The following DENND5B variants were observed in gnomAD, a reference collection of about 807,000 sequenced individuals.
DENND5B encodes the protein DENN domain-containing protein 5B.
A neutral mutation model predicts 140.6 loss-of-function variants in DENND5B; 34 were observed. The observed-to-expected ratio is 0.24, with a 90% CI of 0.18 to 0.32. The LOEUF (loss-of-function observed/expected upper bound fraction) is 0.32. Among genes scored for constraint, DENND5B ranks in the 10% least tolerant of loss-of-function variants. The pLI, the probability that DENND5B is intolerant of heterozygous loss-of-function variation, is 1.00. For missense variants in DENND5B, 1,142 were observed against 1,560.2 expected (o/e 0.73, Z 4.52); for synonymous variants, 551 against 562.1 (o/e 0.98, Z 0.28).
At chr12:31,477,163 G>C (rs911004808) in intron 3 of DENND5B, among the ~76,000 whole-genome samples, 2 of 151,946 alleles carry the variant, frequency 1.3e-5, no homozygotes, top group Admixed American at 1.3e-4. Flanking sequence ...GGGAGGCGGT[G>C]GTTGCAGTGA....
chr12:31,412,551 T>C (rs946379523), intron 13 of DENND5B, among the ~76,000 whole-genome samples: 1 of 152,212 alleles, frequency 6.6e-6, no homozygotes, highest in South Asian at 2.1e-4. Flanking sequence ...AATCTAATGC[T>C]GCTGATCTGA....
In DENND5B at chr12:31,416,922, C is replaced by CT. The variant is rs34652580; in HGVS notation, c.2471-1475dup. On this transcript the variant is annotated intron_variant, in intron 11 of 20. Coordinates refer to ENST00000389082, the MANE Select transcript of DENND5B (RefSeq NM_144973.4). ...TATATGTCTTTTTTTTTTTAATTAG[C>CT]TTTTTTTTTTTTTTTTAAATCAGCT... is the stretch of plus-strand genomic sequence containing the variant. Among the ~76,000 whole-genome samples the CT allele has an allele frequency of 3.6e-3, 468 of 130,302 alleles. 1 individual carries two copies. The highest frequency in any genetic ancestry group is 0.013 in the East Asian group (59 of 4,504). The allele number at this position is 130,302 out of a possible 152,430, so 85.5% of individuals were successfully genotyped here.
chr12:31,570,064 G>A (rs548967689), intron 1 of DENND5B, among the ~76,000 whole-genome samples: 8 of 149,956 alleles, frequency 5.3e-5, no homozygotes, highest in African/African-American at 1.5e-4. Context: ...GCATGGTGGC[G>A]GGTGCCTGTA....
At chr12:31,459,285 A>G (rs1433799854) in intron 4 of DENND5B, among the ~76,000 whole-genome samples, 2 of 152,060 alleles carry the variant, frequency 1.3e-5, no homozygotes, top group Non-Finnish European at 2.9e-5. Context: ...TATGCTTTCA[A>G]TAATTCTTGT....
chr12:31,449,424 T>C (rs944713041), intron 5 of DENND5B, among the ~76,000 whole-genome samples: 5 of 152,048 alleles, frequency 3.3e-5, no homozygotes, highest in African/African-American at 9.7e-5. Context: ...TCAAATAGCC[T>C]TTTTTTAAAA....
chr12:31,569,772 A>C (rs1949753747), intron 1 of DENND5B, among the ~76,000 whole-genome samples: 1 of 151,992 alleles, frequency 6.6e-6, no homozygotes, highest in Non-Finnish European at 1.5e-5. Flanking sequence ...TGATTGTGTC[A>C]CTGCATTCCA....
chr12:31,444,663 A>C (rs1944197730), intron 6 of DENND5B, among the ~76,000 whole-genome samples: 1 of 152,234 alleles, frequency 6.6e-6, no homozygotes, highest in African/African-American at 2.4e-5. Context: ...GCACACAATT[A>C]AGGTATTGGT....
intron 1 of DENND5B, among the ~76,000 whole-genome samples, chr12:31,537,305 AAGTT>A (rs1288843871): frequency 6.6e-6 from 1 of 152,142 alleles, no homozygotes; most frequent in African/African-American, 2.4e-5. Context: ...AAACAACAAA[AAGTT>A]AGAAAGCAGG....
intron 19 of DENND5B, among the ~76,000 whole-genome samples, chr12:31,391,234 C>G (rs979088744): frequency 6.6e-6 from 1 of 152,202 alleles, no homozygotes; most frequent in Non-Finnish European, 1.5e-5. Flanking sequence ...GGAAACACTT[C>G]CGCCTTGGGG....
At chr12:31,520,842 TAACAACAACAAC>T (rs66533164) in intron 1 of DENND5B, among the ~76,000 whole-genome samples, 7 of 151,200 alleles carry the variant, frequency 4.6e-5, no homozygotes, top group East Asian at 1.9e-4. Flanking sequence ...TAAAAATAGT[TAACAACAACAAC>T]AACAACAACA....
intron 15 of DENND5B, among the ~76,000 whole-genome samples, chr12:31,400,543 G>T (rs936026109): frequency 6.6e-6 from 1 of 152,168 alleles, no homozygotes; most frequent in Non-Finnish European, 1.5e-5. Flanking sequence ...CATCAGAATT[G>T]TAAGTTCTTT....
intron 1 of DENND5B, among the ~76,000 whole-genome samples, chr12:31,515,868 T>TGG (rs1336288990): frequency 6.6e-5 from 10 of 152,336 alleles, no homozygotes; most frequent in Non-Finnish European, 2.9e-5. Context: ...TTATCAGTAA[T>TGG]GGTTCTTCCC....
At chr12:31,521,489 C>T (rs1947882749) in intron 1 of DENND5B, among the ~76,000 whole-genome samples, 1 of 151,960 alleles carries the variant, frequency 6.6e-6, no homozygotes, top group Non-Finnish European at 1.5e-5. Context: ...CTGAACTGTA[C>T]AGGGTTAAGT....
chr12:31,584,802 G>A (rs1369390540), intron 1 of DENND5B, among the ~76,000 whole-genome samples: 1 of 151,972 alleles, frequency 6.6e-6, no homozygotes, highest in Non-Finnish European at 1.5e-5. Flanking sequence ...ACTCCAGCCT[G>A]GGTAACAGAG....
At chr12:31,511,207 C>G (rs1947396675) in intron 1 of DENND5B, among the ~76,000 whole-genome samples, 1 of 152,114 alleles carries the variant, frequency 6.6e-6, no homozygotes, top group Non-Finnish European at 1.5e-5. Flanking sequence ...CCACTGTACT[C>G]CAGCCTGGGT....
chr12:31,480,387 C>T (rs1325462523), intron 2 of DENND5B, 132 bp from the exon 3 acceptor site: 1 of 807,974 alleles, frequency 1.2e-6, no homozygotes, highest in African/African-American at 1.7e-5. Flanking sequence ...TCGCAATAGC[C>T]TTAAATTAGA....
chr12:31,432,592 A>G (rs1943557044), intron 8 of DENND5B: 1 of 152,452 alleles, frequency 6.6e-6, no homozygotes, highest in Admixed American at 6.5e-5. Flanking sequence ...AAGACACTAT[A>G]TATATATGCA....
chr12:31,438,924 C>G (rs1379815599), intron 7 of DENND5B, among the ~76,000 whole-genome samples: 1 of 152,124 alleles, frequency 6.6e-6, no homozygotes, highest in Non-Finnish European at 1.5e-5. Context: ...GTGTCTTTGG[C>G]AGGCAGAAAA....
At position 31,462,166 on chromosome 12, in the gene DENND5B, T is replaced by C. The variant is rs1467706328; in HGVS notation, c.905-1785A>G. Among the ~76,000 whole-genome samples the C allele has an allele frequency of 2.0e-5, 3 of 152,176 alleles. No individual in the cohort carries two copies. In the South Asian group the frequency reaches 6.2e-4, roughly 32 times the overall value. ...TACGAGCACAAAGAGCTAACCTAAT[T>C]ACCTGGGGTGGATACACACATTTTA... On this transcript the variant is annotated intron_variant, in intron 3 of 20. Transcript: ENST00000389082.
Sources: gnomAD v4.1 joint callset for allele counts (sites outside exome capture counted in the v4.1 genomes callset) on GRCh38, gnomAD v4.1.1 for gene constraint, MANE v1.5 for transcripts, NCBI Gene and HGNC (gene_info 2026-07-23, HGNC 2026-07-21) for gene names.